Variants in ACSM5 observed in about 807,000 individuals in gnomAD.
The protein encoded by ACSM5 is acyl-CoA synthetase medium chain family member 5.
A neutral mutation model predicts 71.6 loss-of-function variants in ACSM5; 56 were observed. The ratio of observed to expected loss-of-function variants is 0.78; its 90% CI spans 0.63 to 0.98. ACSM5 has a LOEUF of 0.98. Among genes scored for constraint, ACSM5 ranks in the 50% least tolerant of loss-of-function variants. ACSM5 has a pLI of 0.00. For missense variants in ACSM5, 723 were observed against 726.0 expected (o/e 1.00, Z 0.05); for synonymous variants, 285 against 281.5 (o/e 1.01, Z -0.12).
intron 2 of ACSM5, among the ~76,000 whole-genome samples, chr16:20,414,030 C>T (rs888949350): frequency 1.3e-5 from 2 of 152,150 alleles, no homozygotes; most frequent in Non-Finnish European, 2.9e-5. Flanking sequence ...GCAAACCAAA[C>T]TCTGGGGAGT....
intron 5 of ACSM5, 50 bp downstream of exon 5, chr16:20,421,451 GT>G (rs1288832926): frequency 1.4e-6 from 2 of 1,473,442 alleles, no homozygotes; most frequent in Non-Finnish European, 1.8e-6. Flanking sequence ...GTGGGGAGTG[GT>G]CTGGAGGGGG....
Position 20,411,666 on chromosome 16 carries a change from A to G in ACSM5, c.182A>G (p.Asp61Gly). The G allele has an allele frequency of 6.2e-7, 1 of 1,614,054 alleles. No homozygotes were observed. The highest frequency in any genetic ancestry group is 8.5e-7 in the Non-Finnish European group (1 of 1,180,018). The stretch of plus-strand genomic sequence containing the variant: ...TTCAACTTCGCCCATGATGTGCTGG[A>G]TGTGTGGAGTCGGCTGGAAGAGGTG... The part of the protein sequence containing the change: ...EYFNFAHDVL[D>G]VWSRLEEAGH... The change falls in exon 2 of 14, where the codon GAT becomes GGT. Residue 61 changes from aspartate to glycine, a missense_variant. Transcript: ENST00000331849.
At chr16:20,438,258 T>C (rs1296038200) in intron 12 of ACSM5, among the ~76,000 whole-genome samples, 1 of 151,972 alleles carries the variant, frequency 6.6e-6, no homozygotes, top group African/African-American at 2.4e-5. Flanking sequence ...CTTTTGAAAG[T>C]TAGTGCAACA....
rs973565125 is a variant in ACSM5, at chr16:20,429,875, C to T, written c.1125+74C>T. ...CTTCCTGCCTCTCCGGCTGTCACCT[C>T]CCTGAAGCTTCTCAGGGACCACCCT... On this transcript the variant is annotated intron_variant, in intron 8 of 13. Transcript: ENST00000331849. 3.6e-5 allele frequency: 57 copies of T among 1,562,840 alleles called. No homozygotes were observed. In the African/African-American group the frequency reaches 5.9e-4, roughly 16 times the overall value.
At chr16:20,414,574 G>C (rs1966853158) in intron 2 of ACSM5, among the ~76,000 whole-genome samples, 1 of 152,172 alleles carries the variant, frequency 6.6e-6, no homozygotes, top group Non-Finnish European at 1.5e-5. Flanking sequence ...CTGTATATTT[G>C]TGTTGTTTTA....
chr16:20,429,846 A>T (rs771701142), intron 8 of ACSM5, 45 bp downstream of exon 8: 1 of 1,602,152 alleles, frequency 6.2e-7, no homozygotes, highest in East Asian at 2.2e-5. Flanking sequence ...GGTCCCCTCG[A>T]GAGCTTCCTG....
At chr16:20,430,298 C>A (rs1378700124) in intron 8 of ACSM5, among the ~76,000 whole-genome samples, 1 of 151,526 alleles carries the variant, frequency 6.6e-6, no homozygotes, top group Non-Finnish European at 1.5e-5. Context: ...GACCAGCAAA[C>A]CAGCCCTCAC....
intron 6 of ACSM5, among the ~76,000 whole-genome samples, chr16:20,427,235 G>A (rs958758141): frequency 1.3e-5 from 2 of 152,188 alleles, no homozygotes; most frequent in South Asian, 4.2e-4. Flanking sequence ...GGGAGGCAGA[G>A]GTTGCAGTGA....
At chr16:20,411,734 G>A (rs1298759390) in intron 2 of ACSM5, 46 bp downstream of exon 2, 1 of 1,590,470 alleles carries the variant, frequency 6.3e-7, no homozygotes, top group Non-Finnish European at 8.6e-7. Context: ...ATCTGAGGCT[G>A]CCCTCATGTA....
At chr16:20,422,443 G>A (rs561979160) in intron 5 of ACSM5, among the ~76,000 whole-genome samples, 1 of 152,172 alleles carries the variant, frequency 6.6e-6, no homozygotes, top group Non-Finnish European at 1.5e-5. Flanking sequence ...TTCACCTGTT[G>A]ATAGACACTT....
At chr16:20,416,285 G>GA (rs564038496) in intron 2 of ACSM5, among the ~76,000 whole-genome samples, 6,476 of 114,768 alleles carry the variant, frequency 0.056, 155 homozygotes, top group South Asian at 0.12. Flanking sequence ...AAACAGCCTT[G>GA]AAAAAAAAAA....
Position 20,431,280 on chromosome 16 carries a change from A to C in ACSM5, c.1267A>C (p.Ile423Leu), listed in dbSNP as rs772124410. ...AGAAGAGGGGAATGTTGCCGTCCGT[A>C]TCAGACCCACTCGGCCCTTCTGTTT... ...PGEEGNVAVR[I>L]RPTRPFCFFN... The change falls in exon 10 of 14, where the codon ATC becomes CTC. Residue 423 changes from isoleucine to leucine, a missense_variant. By Grantham distance (5) the Ile-to-Leu change is conservative. Transcript: ENST00000331849. 12 of 1,614,176 alleles carry C rather than the reference A, an allele frequency of 7.4e-6. No individual in the cohort carries two copies. In the Admixed American group the frequency reaches 2.0e-4, roughly 27 times the overall value.
chr16:20,435,751 G>C (rs1967179658), intron 10 of ACSM5, among the ~76,000 whole-genome samples: 1 of 152,174 alleles, frequency 6.6e-6, no homozygotes, highest in Non-Finnish European at 1.5e-5. Flanking sequence ...CTTTTACTCA[G>C]TATGATGTTT....
At chr16:20,429,834 C>G (rs748536652) in intron 8 of ACSM5, 33 bp downstream of exon 8, 1 of 1,607,062 alleles carries the variant, frequency 6.2e-7, no homozygotes, top group Non-Finnish European at 8.5e-7. Context: ...CCCTACCCCC[C>G]AGGTCCCCTC....
At chr16:20,422,025 A>G (rs991442607) in intron 5 of ACSM5, among the ~76,000 whole-genome samples, 40 of 152,354 alleles carry the variant, frequency 2.6e-4, no homozygotes, top group Non-Finnish European at 4.7e-4. Context: ...TCCGTGTCAT[A>G]GCATGTGTCA....
intron 3 of ACSM5, among the ~76,000 whole-genome samples, chr16:20,418,814 C>G (rs1966864638): frequency 6.6e-6 from 1 of 152,092 alleles, no homozygotes; most frequent in South Asian, 2.1e-4. Flanking sequence ...CACTCTTAGA[C>G]TTTATGATTC....
intron 3 of ACSM5, among the ~76,000 whole-genome samples, 168 bp downstream of exon 3, chr16:20,418,437 C>T (rs568312200): frequency 6.6e-6 from 1 of 152,232 alleles, no homozygotes; most frequent in Non-Finnish European, 1.5e-5. Context: ...AGGGGCCAGA[C>T]AATGATGTAA....
chr16:20,418,197 G>T lies in ACSM5; in HGVS notation c.343G>T (p.Gly115Trp), dbSNP rs760308664. Residue 115 changes from glycine (G) to tryptophan (W), a missense_variant, in exon 3 of 14, where the codon GGG becomes TGG. By Grantham distance (184) the Gly-to-Trp change is radical (BLOSUM62 -2). Transcript: ENST00000331849. Reference sequence around the variant, plus strand: ...GGGGGGTGCATGCGGCCTGCAGCCTGGGGACAGAATGATGCTGGTACTCCC... The same window carrying T: ...GGGGGGTGCATGCGGCCTGCAGCCTTGGGACAGAATGATGCTGGTACTCCC... ...VLGGACGLQPGDRMMLVLPRL... is the reference protein window; with the variant it reads ...VLGGACGLQPWDRMMLVLPRL... 1 of 1,612,712 alleles carries T rather than the reference G, an allele frequency of 6.2e-7. No individual in the cohort carries two copies. The highest frequency in any genetic ancestry group is 8.5e-7 in the Non-Finnish European group (1 of 1,179,860).
intron 10 of ACSM5, among the ~76,000 whole-genome samples, chr16:20,435,880 A>G (rs937727459): frequency 1.2e-4 from 18 of 151,994 alleles, no homozygotes; most frequent in African/African-American, 3.6e-4. Flanking sequence ...CCCCACACCA[A>G]TGAGCTTTTT....
Sources: allele counts gnomAD v4.1 joint callset (sites outside exome capture counted in the v4.1 genomes callset), GRCh38; gene constraint gnomAD v4.1.1; transcripts MANE v1.5; gene names NCBI Gene and HGNC (gene_info 2026-07-23, HGNC 2026-07-21).